FOXO3: variants seen among roughly 807,000 people sequenced by gnomAD.
FOXO3 encodes the protein forkhead box protein O3.
In FOXO3, 4 loss-of-function variants were observed where a neutral mutation model predicts 41.9. The ratio of observed to expected loss-of-function variants is 0.10; its 90% CI spans 0.05 to 0.22. The LOEUF (loss-of-function observed/expected upper bound fraction) is 0.22, where lower values mean the gene tolerates loss of function less well. Among genes scored for constraint, FOXO3 ranks in the 10% least tolerant of loss-of-function variants. FOXO3 has a pLI of 1.00. For synonymous variants in FOXO3, 318 were observed against 389.3 expected, an observed-to-expected ratio of 0.82 and a Z score of 2.16; for missense variants, 534 against 906.8, an observed-to-expected ratio of 0.59 and a Z score of 5.28.
At chr6:108,641,226 C>A (rs1475552698) in intron 1 of FOXO3, among the ~76,000 whole-genome samples, 1 of 152,134 alleles carries the variant, frequency 6.6e-6, no homozygotes, top group Non-Finnish European at 1.5e-5. Flanking sequence ...TCAATTATTT[C>A]AATATGAAGG....
At chr6:108,580,183 A>ATTTTTTTTTTTTTTTTTT (rs11395032) in intron 1 of FOXO3, among the ~76,000 whole-genome samples, 1 of 93,072 alleles carries the variant, frequency 1.1e-5, no homozygotes. Flanking sequence ...GCTCTTCTTC[A>ATTTTTTTTTTTTTTTTTT]TTTTTTTTTT....
chr6:108,664,071 G>A lies in FOXO3; in HGVS notation c.1238G>A (p.Ser413Asn), dbSNP rs138742093. Residue 413 changes from serine to asparagine, a missense_variant, in exon 2 of 3, where the codon AGC (serine) becomes AAC (asparagine). Physicochemically the swap from Ser to Asn is conservative, Grantham distance 46. Transcript: ENST00000406360. ...PTGGLMQRSSSFPYTTKGSGL... is the reference protein window; with the variant it reads ...PTGGLMQRSSNFPYTTKGSGL... Reference sequence around the variant, plus strand: ...GGGGGACTCATGCAGCGGAGCTCTAGCTTCCCGTATACCACCAAGGGCTCG... The same window carrying A: ...GGGGGACTCATGCAGCGGAGCTCTAACTTCCCGTATACCACCAAGGGCTCG... The A allele has an allele frequency of 1.2e-6, 2 of 1,614,042 alleles. No individual in the cohort carries two copies. Among genetic ancestry groups the A allele is most frequent in the African/African-American group, 1.3e-5 (1 of 74,918 alleles).
intron 1 of FOXO3, among the ~76,000 whole-genome samples, chr6:108,637,383 C>G (rs1040113239): frequency 4.6e-5 from 7 of 152,282 alleles, no homozygotes; most frequent in African/African-American, 1.7e-4. Flanking sequence ...TCCCAGAGTC[C>G]TGCTTAACCT....
chr6:108,629,510 T>C (rs1352600579), intron 1 of FOXO3, among the ~76,000 whole-genome samples: 2 of 152,172 alleles, frequency 1.3e-5, no homozygotes, highest in Non-Finnish European at 2.9e-5. Context: ...AGACACTATG[T>C]TGAACTTTTT....
intron 1 of FOXO3, among the ~76,000 whole-genome samples, chr6:108,648,279 C>T (rs1778448201): frequency 6.6e-6 from 1 of 152,178 alleles, no homozygotes; most frequent in Admixed American, 6.5e-5. Context: ...CATAAGGTGT[C>T]TGTTCTTGTA....
Position 108,560,989 on chromosome 6 carries a change from G to A in FOXO3, c.-220G>A. On this transcript the variant is annotated 5_prime_UTR_variant, in exon 1 of 3. Coordinates refer to ENST00000406360, the MANE Select transcript of FOXO3 (RefSeq NM_001455.4). ...TGTTCCTGGGAGGCGGGCGCGGCAG[G>A]ACTGGGAGGTGGCGGCAGCGGGCGA... The A allele has an allele frequency of 7.3e-7, 1 of 1,363,086 alleles. No homozygotes were observed. Among genetic ancestry groups the A allele is most frequent in the Non-Finnish European group, 9.3e-7 (1 of 1,069,892 alleles). The allele number at this position is 1,363,086 out of a possible 1,614,324, so 84.4% of individuals were successfully genotyped here.
chr6:108,642,773 T>C (rs1258996180), intron 1 of FOXO3, among the ~76,000 whole-genome samples: 2 of 152,232 alleles, frequency 1.3e-5, no homozygotes, highest in African/African-American at 2.4e-5. Flanking sequence ...ACTTTAATAC[T>C]ATCACTGAGA....
chr6:108,596,030 T>G (rs911508876), intron 1 of FOXO3, among the ~76,000 whole-genome samples: 12 of 152,204 alleles, frequency 7.9e-5, no homozygotes, highest in Admixed American at 5.2e-4. Flanking sequence ...GTTTAAACTT[T>G]CCATTCATAT....
At chr6:108,656,254 G>A (rs1039434660) in intron 1 of FOXO3, 9 of 435,876 alleles carry the variant, frequency 2.1e-5, no homozygotes, top group African/African-American at 6.4e-5. Context: ...TCTTGTTGTC[G>A]TTGCTGAGAA....
chr6:108,651,526 C>T (rs1013318992), intron 1 of FOXO3, among the ~76,000 whole-genome samples: 21 of 152,254 alleles, frequency 1.4e-4, no homozygotes, highest in Admixed American at 4.6e-4. Context: ...CAAAAAGGAA[C>T]GGTTTTTCTG....
At chr6:108,595,867 A>G (rs1306430258) in intron 1 of FOXO3, among the ~76,000 whole-genome samples, 1 of 152,164 alleles carries the variant, frequency 6.6e-6, no homozygotes, top group African/African-American at 2.4e-5. Flanking sequence ...GTTAGTGATG[A>G]GTTTGATAAT....
At chr6:108,627,686 G>C (rs566354557) in intron 1 of FOXO3, among the ~76,000 whole-genome samples, 2 of 152,032 alleles carry the variant, frequency 1.3e-5, no homozygotes, top group Admixed American at 1.3e-4. Context: ...AACACTAACA[G>C]TAGCTGATGA....
rs1777722193 is a variant in FOXO3 at position 108,623,216 on chromosome 6, G to A, written c.622-40239G>A. 2.0e-5 allele frequency among the ~76,000 whole-genome samples: 3 copies of A among 152,298 alleles called. No individual in the cohort carries two copies. In the South Asian group the frequency reaches 6.2e-4, roughly 32 times the overall value. ...TGGAAGGGGTGGGGCAGAGACAGCAGGAGCCGTAGTCGTCTCAGGAGCCTA... is the reference window on the plus strand; with the variant it reads ...TGGAAGGGGTGGGGCAGAGACAGCAAGAGCCGTAGTCGTCTCAGGAGCCTA... On this transcript the variant is annotated intron_variant, in intron 1 of 2. Coordinates refer to ENST00000406360, the MANE Select transcript of FOXO3 (RefSeq NM_001455.4).
At chr6:108,659,145 A>C (rs1016166463) in intron 1 of FOXO3, among the ~76,000 whole-genome samples, 4 of 152,166 alleles carry the variant, frequency 2.6e-5, no homozygotes, top group Non-Finnish European at 5.9e-5. Context: ...TCAGTGTCCC[A>C]AAGTACTGGA....
chr6:108,566,328 A>G (rs945604328), intron 1 of FOXO3, among the ~76,000 whole-genome samples: 5 of 152,244 alleles, frequency 3.3e-5, no homozygotes, highest in Non-Finnish European at 5.9e-5. Context: ...AAATGACACC[A>G]TACAAGAACA....
chr6:108,580,743 C>T (rs934073373), intron 1 of FOXO3, among the ~76,000 whole-genome samples: 4 of 152,138 alleles, frequency 2.6e-5, no homozygotes, highest in South Asian at 4.1e-4. Context: ...TTGCATGATC[C>T]GTTAGAATTG....
intron 1 of FOXO3, among the ~76,000 whole-genome samples, chr6:108,582,722 A>G (rs924150170): frequency 3.3e-5 from 5 of 151,686 alleles, no homozygotes; most frequent in Admixed American, 2.6e-4. Context: ...GTAGCTGTAT[A>G]TTAAGATGGG....
chr6:108,645,485 G>A (rs1778370587), intron 1 of FOXO3, among the ~76,000 whole-genome samples: 1 of 147,898 alleles, frequency 6.8e-6, no homozygotes, highest in South Asian at 2.1e-4. Context: ...TTGAAATCCA[G>A]GTTGACCCAA....
chr6:108,657,023 T>TA, intron 1 of FOXO3, among the ~76,000 whole-genome samples: 1 of 152,162 alleles, frequency 6.6e-6, no homozygotes, highest in East Asian at 1.9e-4. Flanking sequence ...TTCACACACC[T>TA]ATTGCACCTG....
Sources: allele counts gnomAD v4.1 joint callset (sites outside exome capture counted in the v4.1 genomes callset), GRCh38; gene constraint gnomAD v4.1.1; transcripts MANE v1.5; gene names NCBI Gene and HGNC (gene_info 2026-07-23, HGNC 2026-07-21).